RORC: variants seen among roughly 807,000 people sequenced by gnomAD.
The protein encoded by RORC is nuclear receptor ROR-gamma.
Under a neutral mutation model 64.5 loss-of-function variants are expected in RORC, and 13 were observed. The observed-to-expected ratio is 0.20, with a 90% confidence interval of 0.13 to 0.32. RORC has a LOEUF of 0.32. Among genes scored for constraint, RORC ranks in the 10% least tolerant of loss-of-function variants. The pLI is 1.00. For missense variants in RORC, 468 were observed against 669.5 expected, an observed-to-expected ratio of 0.70 and a Z score of 3.32; for synonymous variants, 277 against 259.3, an observed-to-expected ratio of 1.07 and a Z score of -0.65.
intron 2 of RORC, among the ~76,000 whole-genome samples, chr1:151,827,198 A>T (rs1415305907): frequency 6.6e-6 from 1 of 152,236 alleles, no homozygotes; most frequent in Non-Finnish European, 1.5e-5. Context: ...CAGAGAGGTT[A>T]AGTAACTTGC....
At chr1:151,810,140 A>C (rs1016064538) in intron 10 of RORC, among the ~76,000 whole-genome samples, 2 of 152,104 alleles carry the variant, frequency 1.3e-5, no homozygotes, top group Admixed American at 1.3e-4. Context: ...CTAGTCCCAC[A>C]CCCAAATCCC....
intron 2 of RORC, among the ~76,000 whole-genome samples, chr1:151,828,137 G>T (rs1355097684): frequency 2.0e-5 from 3 of 152,144 alleles, no homozygotes; most frequent in Non-Finnish European, 4.4e-5. Flanking sequence ...GGGCTGCCCA[G>T]CTCATGGAGA....
chr1:151,828,481 A>G (rs1396284299), intron 2 of RORC, among the ~76,000 whole-genome samples: 1 of 152,090 alleles, frequency 6.6e-6, no homozygotes, highest in Non-Finnish European at 1.5e-5. Flanking sequence ...GTCCACTGGG[A>G]AGTCCTCTCT....
At chr1:151,810,575 A>G (rs1342658081) in intron 10 of RORC, among the ~76,000 whole-genome samples, 1 of 145,494 alleles carries the variant, frequency 6.9e-6, no homozygotes, top group African/African-American at 2.6e-5. Flanking sequence ...CTTGTTGCCC[A>G]GGCTGGAGTG....
Position 151,811,426 on chromosome 1 carries a change from C to T in RORC, c.1294G>A (p.Gly432Arg). 6.2e-7 allele frequency: 1 copy of T among 1,610,308 alleles called. No homozygotes were observed. The highest frequency in any genetic ancestry group is 8.5e-7 in the Non-Finnish European group (1 of 1,176,890). ...ALVLINAHRP[G>R]LQEKRKVEQL... is the part of the protein sequence containing the mutation. ...TCTACTTTCCTTTTCTCTTGGAGCCCTGGCCGATCTGGAGGAGGGGGTGGG... is the reference window on the plus strand; with the variant it reads ...TCTACTTTCCTTTTCTCTTGGAGCCTTGGCCGATCTGGAGGAGGGGGTGGG... Residue 432 changes from glycine (G) to arginine (R), a missense_variant, in exon 10 of 11, where the codon GGG becomes AGG. Physicochemically the swap from Gly to Arg is moderately radical, Grantham distance 125. Transcript: ENST00000318247.
intron 2 of RORC, 86 bp downstream of exon 2, chr1:151,829,343 C>A (rs1194587220): frequency 7.5e-6 from 10 of 1,326,456 alleles, no homozygotes; most frequent in Non-Finnish European, 1.0e-5. Flanking sequence ...CTCTGTCCAA[C>A]CTCAGTCCCC....
rs371809052 is a variant in RORC, at chr1:151,815,205, G to A, written c.519C>T (p.Pro173=). The stretch of plus-strand genomic sequence containing the variant: ...AGCCTGAGGCTTTCAGGAGGCCAGG[G>A]GGACAGGCAGAAGCCTCAGGCAGGT... The part of the protein sequence containing the change: ...SPDLPEASAC[P]PGLLKASGSG... Residue 173 remains proline, a synonymous_variant, in exon 5 of 11, where the codon CCC becomes CCT. Coordinates refer to ENST00000318247, the MANE Select transcript of RORC (RefSeq NM_005060.4). 3 of 1,613,826 alleles carry A rather than the reference G, an allele frequency of 1.9e-6. No individual in the cohort carries two copies. The highest frequency in any genetic ancestry group is 2.2e-5 in the East Asian group (1 of 44,892).
chr1:151,822,777 C>T (rs988956378), intron 2 of RORC, among the ~76,000 whole-genome samples: 2 of 152,218 alleles, frequency 1.3e-5, no homozygotes, highest in Admixed American at 6.5e-5. Flanking sequence ...GTCCCTCCCC[C>T]GAAATAGACA....
chr1:151,814,529 G>T, intron 6 of RORC, 45 bp downstream of exon 6: 1 of 1,581,334 alleles, frequency 6.3e-7, no homozygotes. Context: ...AACTCTCCCG[G>T]TGGGGGTGGG....
At chr1:151,820,511 C>G (rs975849549) in intron 2 of RORC, among the ~76,000 whole-genome samples, 3 of 152,160 alleles carry the variant, frequency 2.0e-5, no homozygotes, top group Non-Finnish European at 4.4e-5. Context: ...GAACCTCGAA[C>G]CAGCCCCTGC....
intron 3 of RORC, 67 bp from the exon 4 acceptor site, chr1:151,816,872 C>G (rs1651774707): frequency 1.4e-6 from 2 of 1,427,922 alleles, no homozygotes; most frequent in African/African-American, 1.4e-5. Context: ...ACAAAGGCCT[C>G]CAGCCCACAA....
chr1:151,814,738 C>A (rs1279834634), intron 5 of RORC, 43 bp from the exon 6 acceptor site: 1 of 1,585,522 alleles, frequency 6.3e-7, no homozygotes, highest in Non-Finnish European at 8.6e-7. Flanking sequence ...TCAGCCAGCT[C>A]CTACGCCTAC....
chr1:151,810,176 A>G (rs1280588181), intron 10 of RORC, among the ~76,000 whole-genome samples: 1 of 152,006 alleles, frequency 6.6e-6, no homozygotes, highest in Admixed American at 6.5e-5. Context: ...CCAGCCTCTC[A>G]TACTCATCTC....
intron 6 of RORC, chr1:151,814,185 C>A: frequency 5.3e-6 from 1 of 187,864 alleles, no homozygotes. Flanking sequence ...GTGGTAGGGG[C>A]TGAGGATAAT....
In RORC at chr1:151,829,512, G is replaced by A. The variant is rs139064056; in HGVS notation, c.41-54C>T. 18 of 1,435,122 alleles carry A rather than the reference G, an allele frequency of 1.3e-5. No individual in the cohort carries two copies. In the African/African-American group the frequency reaches 2.5e-4, roughly 20 times the overall value. The allele number at this position is 1,435,122 out of a possible 1,614,324, so 88.9% of individuals were successfully genotyped here. On this transcript the variant is annotated intron_variant, in intron 1 of 10. Coordinates refer to ENST00000318247, the MANE Select transcript of RORC (RefSeq NM_005060.4). Reference sequence around the variant, plus strand: ...CAAAGGTTGAAGATCATGAGGGGCTGAGACACTTTCCCCACTCCTAGGATC... The same window carrying A: ...CAAAGGTTGAAGATCATGAGGGGCTAAGACACTTTCCCCACTCCTAGGATC...
At chr1:151,831,116 C>G (rs752814755) in intron 1 of RORC, 289 of 1,286,106 alleles carry the variant, frequency 2.2e-4, no homozygotes, top group Non-Finnish European at 2.9e-4. Context: ...TGCTGATGGC[C>G]CAGTGCCCCA....
In RORC at chr1:151,813,472, A is replaced by G. The variant is rs1651623038; in HGVS notation, c.1066+16T>C. 4 of 1,613,820 alleles carry G rather than the reference A, an allele frequency of 2.5e-6. No homozygotes were observed. The East Asian group carries it at 8.9e-5, about 36-fold the overall frequency. On this transcript the variant is annotated intron_variant, in intron 7 of 10. Coordinates refer to ENST00000318247, the MANE Select transcript of RORC (RefSeq NM_005060.4). ...TGTCCCCTTGTCCCCAGGCCTGCCC[A>G]CCCATCCCTGGGCACCTGCTTTGAG...
At chr1:151,818,982 C>T (rs1025633917) in intron 2 of RORC, among the ~76,000 whole-genome samples, 2 of 152,172 alleles carry the variant, frequency 1.3e-5, no homozygotes, top group African/African-American at 4.8e-5. Flanking sequence ...GGACAGGGCA[C>T]ATGGGTATCT....
chr1:151,826,217 T>A, intron 2 of RORC: 1 of 580,392 alleles, frequency 1.7e-6, no homozygotes, highest in South Asian at 7.1e-5. Flanking sequence ...TGGGGCAGGG[T>A]GTGAGGGGAG....
Sources: gnomAD v4.1 joint callset for allele counts (sites outside exome capture counted in the v4.1 genomes callset) on GRCh38, gnomAD v4.1.1 for gene constraint, MANE v1.5 for transcripts, NCBI Gene and HGNC (gene_info 2026-07-23, HGNC 2026-07-21) for gene names.